Variants in NOSTRIN observed in about 807,000 individuals in gnomAD.
NOSTRIN encodes BM247 homolog.
Under a neutral mutation model 59.0 loss-of-function variants are expected in NOSTRIN, and 63 were observed. The ratio of observed to expected loss-of-function variants is 1.07; its 90% CI spans 0.87 to 1.32. NOSTRIN has a LOEUF of 1.32. Ranked by LOEUF, NOSTRIN falls within the 40% of genes most tolerant of loss-of-function variation. NOSTRIN has a pLI of 0.00. For synonymous variants in NOSTRIN, 200 were observed against 165.4 expected (o/e 1.21, Z -1.61); for missense variants, 512 against 473.1 (o/e 1.08, Z -0.76).
At chr2:168,856,822 G>C (rs760881804) in intron 12 of NOSTRIN, 44 bp downstream of exon 12, 18 of 1,570,954 alleles carry the variant, frequency 1.1e-5, no homozygotes, top group Non-Finnish European at 1.6e-5. Context: ...GTGATGAAAA[G>C]GGTTATTTTT....
At position 168,848,242 on chromosome 2, in the gene NOSTRIN, T is replaced by C. The variant is rs201371617; in HGVS notation, c.631-2842T>C. Among the ~76,000 whole-genome samples the C allele has an allele frequency of 3.9e-5, 6 of 152,360 alleles. No individual in the cohort carries two copies. In the East Asian group the frequency reaches 1.2e-3, roughly 29 times the overall value. ...AAGCAAAACATTTGATAGGCTATTC[T>C]GTGTCTTTAATCCTTTATCTGGGAG... On this transcript the variant is annotated intron_variant, in intron 8 of 15. Transcript: ENST00000317647.
chr2:168,841,985 A>G (rs922673072), intron 7 of NOSTRIN, among the ~76,000 whole-genome samples: 11 of 152,206 alleles, frequency 7.2e-5, no homozygotes, highest in Admixed American at 3.3e-4. Flanking sequence ...CTCTCTGTGC[A>G]GCCTTCCTTC....
intron 8 of NOSTRIN, among the ~76,000 whole-genome samples, chr2:168,848,771 C>T (rs1001398776): frequency 7.9e-5 from 12 of 151,960 alleles, no homozygotes; most frequent in Admixed American, 7.2e-4. Flanking sequence ...ATGGTGGTTG[C>T]CAGGGGATGC....
chr2:168,841,001 C>T (rs1213690952), intron 7 of NOSTRIN, among the ~76,000 whole-genome samples: 1 of 151,904 alleles, frequency 6.6e-6, no homozygotes, highest in Non-Finnish European at 1.5e-5. Context: ...ACTCATGATC[C>T]TAAAATTTTG....
At chr2:168,859,463 GCCT>G in intron 12 of NOSTRIN, 46 bp from the exon 13 acceptor site, 1 of 1,603,408 alleles carries the variant, frequency 6.2e-7, no homozygotes, top group Non-Finnish European at 8.5e-7. Context: ...ATCCAGTTGT[GCCT>G]CATTTACTAG....
chr2:168,793,218 G>C (rs1332158048), upstream of NOSTRIN, among the ~76,000 whole-genome samples: 1 of 152,094 alleles, frequency 6.6e-6, no homozygotes, highest in Non-Finnish European at 1.5e-5. Flanking sequence ...TTTTTCTCCT[G>C]GTTCCTGGCA....
intron 10 of NOSTRIN, among the ~76,000 whole-genome samples, chr2:168,852,495 A>G (rs925208531): frequency 6.6e-6 from 1 of 152,198 alleles, no homozygotes; most frequent in Non-Finnish European, 1.5e-5. Flanking sequence ...ATTATTAATT[A>G]CCAAAACCTG....
upstream of NOSTRIN, among the ~76,000 whole-genome samples, chr2:168,801,741 T>C (rs1027621603): frequency 6.6e-6 from 1 of 152,202 alleles, no homozygotes; most frequent in Non-Finnish European, 1.5e-5. Flanking sequence ...AGGCCATTCA[T>C]TGGAAATCTA....
At chr2:168,796,578 T>C (rs1685484152), upstream of NOSTRIN, among the ~76,000 whole-genome samples, 1 of 152,226 alleles carries the variant, frequency 6.6e-6, no homozygotes, top group Non-Finnish European at 1.5e-5. Flanking sequence ...CCCAAACTTA[T>C]TCTTAACATT....
rs766364452 is a variant in NOSTRIN at position 168,856,739 on chromosome 2, T to G, written c.1014T>G (p.Asp338Glu). ...KTYSSTSSFS[D>E]AKSQKDTAAL... ...ACTCCAGCACCTCCTCCTTCTCTGA[T>G]GCAAAGAGCCAGAAAGACACAGCAG... The change falls in exon 12 of 16, where the codon GAT (aspartate) becomes GAG (glutamate). Residue 338 changes from aspartate (D) to glutamate (E), a missense_variant. By Grantham distance (45) the Asp-to-Glu change is conservative. Coordinates refer to ENST00000317647, the MANE Select transcript of NOSTRIN (RefSeq NM_001039724.4). 6.2e-7 allele frequency: 1 copy of G among 1,614,146 alleles called. No individual in the cohort carries two copies. Among genetic ancestry groups the G allele is most frequent in the South Asian group, 1.1e-5 (1 of 91,084 alleles).
intron 11 of NOSTRIN, chr2:168,856,265 T>C (rs1689097979): frequency 4.5e-6 from 1 of 222,930 alleles, no homozygotes; most frequent in Non-Finnish European, 9.0e-6. Context: ...CTGCAGAGAC[T>C]CCCTCAGCCA....
intron 1 of NOSTRIN, among the ~76,000 whole-genome samples, chr2:168,808,165 A>G (rs1291638353): frequency 6.6e-6 from 1 of 152,134 alleles, no homozygotes; most frequent in Admixed American, 6.5e-5. Context: ...CACATAGAAA[A>G]ATTCTCAACT....
At chr2:168,788,464 G>T (rs1175622687) in intron 2 of NOSTRIN, among the ~76,000 whole-genome samples, 1 of 152,064 alleles carries the variant, frequency 6.6e-6, no homozygotes, top group Non-Finnish European at 1.5e-5. Context: ...AGTGCAGCTG[G>T]CAGAATCGTA....
chr2:168,845,740 T>C (rs1255834663), intron 8 of NOSTRIN, among the ~76,000 whole-genome samples: 1 of 152,166 alleles, frequency 6.6e-6, no homozygotes, highest in Non-Finnish European at 1.5e-5. Context: ...AAGGCATCTT[T>C]CAACTTCAGC....
At chr2:168,859,367 C>A in intron 12 of NOSTRIN, 145 bp from the exon 13 acceptor site, 1 of 1,238,096 alleles carries the variant, frequency 8.1e-7, no homozygotes, top group South Asian at 1.7e-5. Context: ...ATTTTTTTTT[C>A]CTTCGGCATT....
intron 15 of NOSTRIN, 118 bp downstream of exon 15, chr2:168,862,167 C>T (rs898233517): frequency 3.6e-6 from 3 of 828,954 alleles, no homozygotes; most frequent in Non-Finnish European, 5.9e-6. Flanking sequence ...TCAGTTCACC[C>T]TTCTTGAAAG....
In NOSTRIN at chr2:168,803,776, T is replaced by G. The variant is rs183077871; in HGVS notation, c.27+1103T>G. On this transcript the variant is annotated intron_variant, in intron 1 of 15. Coordinates refer to ENST00000317647, the MANE Select transcript of NOSTRIN (RefSeq NM_001039724.4). ...AATGATATGGTTATATATAGATTTT[T>G]AAGAGTGAAACTTCCCCCTTTAATT... 2.0e-3 allele frequency among the ~76,000 whole-genome samples: 305 copies of G among 152,374 alleles called. 2 individuals are homozygous for G. The highest frequency in any genetic ancestry group is 7.0e-3 in the African/African-American group (293 of 41,584).
At chr2:168,808,492 C>T (rs186469874) in intron 1 of NOSTRIN, among the ~76,000 whole-genome samples, 5 of 152,350 alleles carry the variant, frequency 3.3e-5, no homozygotes, top group Admixed American at 2.6e-4. Context: ...AGAATTTACT[C>T]CGTAAACATG....
chr2:168,828,356 TA>T, intron 4 of NOSTRIN, 63 bp from the exon 5 acceptor site: 2 of 864,040 alleles, frequency 2.3e-6, no homozygotes, highest in Non-Finnish European at 4.0e-6. Flanking sequence ...CCCCAGAAAG[TA>T]ATTTGGAAAG....
Sources: gnomAD v4.1 joint callset for allele counts (sites outside exome capture counted in the v4.1 genomes callset) on GRCh38, gnomAD v4.1.1 for gene constraint, MANE v1.5 for transcripts, NCBI Gene and HGNC (gene_info 2026-07-23, HGNC 2026-07-21) for gene names.